Variants in APBA2 observed in about 807,000 individuals in gnomAD.
APBA2 encodes the protein amyloid beta precursor protein binding family A member 2, also known as amyloid-beta A4 precursor protein-binding family A member 2.
In APBA2, 30 loss-of-function variants were observed where a neutral mutation model predicts 75.0. The ratio of observed to expected loss-of-function variants is 0.40; its 90% CI spans 0.30 to 0.54. APBA2 has a LOEUF of 0.54. Ranked by LOEUF, APBA2 falls within the 20% of genes least tolerant of loss-of-function variation. The pLI is 0.49. For synonymous variants in APBA2, 444 were observed against 409.6 expected (o/e 1.08, Z -1.01); for missense variants, 801 against 1,016.1 (o/e 0.79, Z 2.88).
chr15:29,033,857 C>T (rs768995629), intron 3 of APBA2, among the ~76,000 whole-genome samples: 84 of 147,134 alleles, frequency 5.7e-4, no homozygotes, highest in Non-Finnish European at 1.0e-3. Context: ...CCCAGCTACT[C>T]GGGAAGCTGA....
chr15:29,019,200 C>A (rs2039827090), intron 3 of APBA2, among the ~76,000 whole-genome samples: 2 of 152,324 alleles, frequency 1.3e-5, no homozygotes, highest in Non-Finnish European at 2.9e-5. Context: ...GGTTGCCTGC[C>A]TATGCGTGTC....
intron 14 of APBA2, 65 bp from the exon 15 acceptor site, chr15:29,116,997 C>T (rs2045219804): frequency 2.7e-5 from 41 of 1,543,626 alleles, no homozygotes; most frequent in Non-Finnish European, 3.7e-5. Context: ...CTGTCCTTTG[C>T]TTTCACCTGA....
intron 2 of APBA2, among the ~76,000 whole-genome samples, chr15:28,973,498 C>G (rs1339353209): frequency 1.3e-5 from 2 of 152,102 alleles, no homozygotes; most frequent in Non-Finnish European, 2.9e-5. Flanking sequence ...ACACTGTTGT[C>G]ACATAGAGGA....
At position 29,007,919 on chromosome 15, in the gene APBA2, T is replaced by A. The variant is rs147932625; in HGVS notation, c.-41+12113T>A. ...GTAAAAGCAGGGGCTCAAGGAAATA[T>A]CTGTACATTCATGTTCATGCAGCAT... On this transcript the variant is annotated intron_variant, in intron 3 of 14. Coordinates refer to ENST00000683413, the MANE Select transcript of APBA2 (RefSeq NM_001353788.2). 1.3e-4 allele frequency among the ~76,000 whole-genome samples: 20 copies of A among 152,314 alleles called. No individual in the cohort carries two copies. In the East Asian group the frequency reaches 3.7e-3, roughly 28 times the overall value.
intron 6 of APBA2, among the ~76,000 whole-genome samples, chr15:29,092,315 A>G (rs981583583): frequency 6.6e-6 from 1 of 152,164 alleles, no homozygotes; most frequent in Admixed American, 6.5e-5. Context: ...TGTGGGCAAC[A>G]TGGACAGGAC....
chr15:28,957,664 C>T (rs1376942080), intron 2 of APBA2, among the ~76,000 whole-genome samples: 3 of 152,160 alleles, frequency 2.0e-5, no homozygotes, highest in Non-Finnish European at 2.9e-5. Flanking sequence ...TGGAGCACCT[C>T]TCCTGTGTGG....
At chr15:29,025,071 A>G (rs2040147140) in intron 3 of APBA2, among the ~76,000 whole-genome samples, 1 of 152,186 alleles carries the variant, frequency 6.6e-6, no homozygotes, top group African/African-American at 2.4e-5. Context: ...ATACTTCATA[A>G]GCGGTGGTGT....
intron 2 of APBA2, among the ~76,000 whole-genome samples, chr15:28,977,688 G>A (rs1452311282): frequency 6.6e-6 from 1 of 152,124 alleles, no homozygotes; most frequent in East Asian, 1.9e-4. Flanking sequence ...CCGAATTTGC[G>A]GAAAGTGAGC....
At chr15:29,100,443 C>A (rs1369020859) in intron 9 of APBA2, among the ~76,000 whole-genome samples, 1 of 152,216 alleles carries the variant, frequency 6.6e-6, no homozygotes, top group Non-Finnish European at 1.5e-5. Flanking sequence ...CTTTTGTGAA[C>A]AGAGGACAAA....
chr15:29,049,230 G>A (rs888113844), intron 3 of APBA2, among the ~76,000 whole-genome samples: 27 of 152,308 alleles, frequency 1.8e-4, no homozygotes, highest in African/African-American at 6.0e-4. Flanking sequence ...GGTATGTGGT[G>A]TGACCTGGGC....
At position 28,936,079 on chromosome 15, in the gene APBA2, T is replaced by C. The variant is rs140711071; in HGVS notation, c.-95+14330T>C. Among the ~76,000 whole-genome samples the C allele has an allele frequency of 3.6e-4, 55 of 152,252 alleles. 2 individuals are homozygous for C. In the East Asian group the frequency reaches 8.7e-3, roughly 24 times the overall value. On this transcript the variant is annotated intron_variant, in intron 2 of 14. Coordinates refer to ENST00000683413, the MANE Select transcript of APBA2 (RefSeq NM_001353788.2). ...AAAATTTTTCTTTCTCCTGAGAGGT[T>C]TTCCAATCTAGTAGAAAATAGACGC...
At chr15:28,922,253 A>G (rs2034009329) in intron 2 of APBA2, among the ~76,000 whole-genome samples, 1 of 152,070 alleles carries the variant, frequency 6.6e-6, no homozygotes, top group Non-Finnish European at 1.5e-5. Flanking sequence ...CCTGGCAATA[A>G]CAATTCCTAA....
chr15:29,101,491 C>T lies in APBA2; in HGVS notation c.1339-108C>T, dbSNP rs112834073. On this transcript the variant is annotated intron_variant, in intron 9 of 14. Transcript: ENST00000683413. ...AGGTGATCTGCCTGCCTCGGCCTCC[C>T]AAAGTGCTAGGATTACAGGCTTGAG... 4.4e-3 allele frequency: 5,721 copies of T among 1,301,902 alleles called. 171 individuals carry two copies. The African/African-American group carries it at 0.075, about 17-fold the overall frequency. 80.6% of individuals were successfully genotyped at this position (1,301,902 alleles called of 1,614,324 possible).
At position 28,926,857 on chromosome 15, in the gene APBA2, C is replaced by CT. The variant is rs1183331218; in HGVS notation, c.-95+5125dup. Among the ~76,000 whole-genome samples, 350 of 126,708 alleles carry CT rather than the reference C, an allele frequency of 2.8e-3. 3 individuals carry two copies. Among genetic ancestry groups the CT allele is most frequent in the South Asian group, 9.9e-3 (38 of 3,848 alleles). 83.1% of individuals were successfully genotyped at this position (126,708 alleles called of 152,430 possible). On this transcript the variant is annotated intron_variant, in intron 2 of 14. Transcript: ENST00000683413. ...ATTTCACTCCACTCTCTCTCTCTCT[C>CT]TTTTTTTTTTTTTTTTTGAGACAGA...
chr15:28,894,971 G>A (rs1275690210), intron 1 of APBA2, among the ~76,000 whole-genome samples: 2 of 152,114 alleles, frequency 1.3e-5, no homozygotes, highest in East Asian at 1.9e-4. Context: ...TCCAGAGCCC[G>A]CTCCCTATGT....
In APBA2 at chr15:29,117,325, G is replaced by A; in HGVS notation, c.*192G>A. 1.6e-6 allele frequency: 1 copy of A among 607,794 alleles called. No homozygotes were observed. The highest frequency in any genetic ancestry group is 2.9e-6 in the Non-Finnish European group (1 of 341,448). 37.7% of individuals were successfully genotyped at this position (607,794 alleles called of 1,614,324 possible). On this transcript the variant is annotated 3_prime_UTR_variant, in exon 15 of 15. Coordinates refer to ENST00000683413, the MANE Select transcript of APBA2 (RefSeq NM_001353788.2). ...AAAAAGGGGTATGTCTTTATCAAAG[G>A]AGAGTCACAGAACAAATGTTTGTTT...
At chr15:29,082,495 C>T (rs1480039269) in intron 6 of APBA2, among the ~76,000 whole-genome samples, 1 of 152,182 alleles carries the variant, frequency 6.6e-6, no homozygotes, top group Non-Finnish European at 1.5e-5. Flanking sequence ...CCAATATCTC[C>T]CCATTTCCCC....
In APBA2 at chr15:29,053,847, G is replaced by GAGGAA; in HGVS notation, c.-38_-37insAGGAA. 1 of 1,579,170 alleles carries GAGGAA rather than the reference G, an allele frequency of 6.3e-7. No individual in the cohort carries two copies. ...CTTCCCAATGTTCCTCCCCACAGTG[G>GAGGAA]CTGCCTCCGGGTGATGATGGCTGTG... On this transcript the variant is annotated 5_prime_UTR_variant, in exon 4 of 15. Coordinates refer to ENST00000683413, the MANE Select transcript of APBA2 (RefSeq NM_001353788.2).
intron 3 of APBA2, among the ~76,000 whole-genome samples, chr15:29,012,543 C>T (rs1206540609): frequency 6.6e-6 from 1 of 152,202 alleles, no homozygotes; most frequent in African/African-American, 2.4e-5. Flanking sequence ...AAATTATTTG[C>T]AATTCTGCAC....
Sources: allele counts gnomAD v4.1 joint callset (sites outside exome capture counted in the v4.1 genomes callset), GRCh38; gene constraint gnomAD v4.1.1; transcripts MANE v1.5; gene names NCBI Gene and HGNC (gene_info 2026-07-23, HGNC 2026-07-21).